Variants in RBM27 observed in about 807,000 individuals in gnomAD.
RBM27 encodes the protein RNA-binding protein 27.
A neutral mutation model predicts 135.3 loss-of-function variants in RBM27; 22 were observed. That is an observed-to-expected ratio of 0.16 (90% confidence interval 0.12 to 0.23). RBM27 has a LOEUF of 0.23. RBM27 is among the 10% of genes least tolerant of loss of function. The probability of loss-of-function intolerance (pLI) is 1.00; values close to 1 mark genes in which losing one functional copy is unlikely to be tolerated. For missense variants in RBM27, 1,009 were observed against 1,281.0 expected (o/e 0.79, Z 3.24); for synonymous variants, 481 against 442.4 (o/e 1.09, Z -1.10).
rs1048771482 is a variant in RBM27 at position 146,257,917 on chromosome 5, A to G, written c.1595-532A>G. Among the ~76,000 whole-genome samples, 9 of 152,064 alleles carry G rather than the reference A, an allele frequency of 5.9e-5. No individual in the cohort carries two copies. The East Asian group carries it at 1.3e-3, about 23-fold the overall frequency. ...CCACAACCTCCGTCTCCTGGGTTCA[A>G]GCGATTCTCCTGCCTCAGCCTCCCG... is the stretch of plus-strand genomic sequence containing the variant. On this transcript the variant is annotated intron_variant, in intron 10 of 20. Transcript: ENST00000265271.
At chr5:146,231,148 A>G (rs997143458) in intron 6 of RBM27, among the ~76,000 whole-genome samples, 1 of 152,138 alleles carries the variant, frequency 6.6e-6, no homozygotes, top group Non-Finnish European at 1.5e-5. Flanking sequence ...CAGCCTCCCA[A>G]GTAGCCTCCC....
At chr5:146,204,738 A>G (rs1201285351) in intron 1 of RBM27, among the ~76,000 whole-genome samples, 2 of 152,140 alleles carry the variant, frequency 1.3e-5, no homozygotes, top group Non-Finnish European at 2.9e-5. Flanking sequence ...AGTTTTGTAA[A>G]TGTTTTTGTA....
chr5:146,215,089 G>C (rs755188043), intron 1 of RBM27, among the ~76,000 whole-genome samples: 1 of 151,824 alleles, frequency 6.6e-6, no homozygotes, highest in Admixed American at 6.6e-5. Flanking sequence ...GCGCTCTATC[G>C]CCCAGGCTGG....
At chr5:146,223,122 A>G (rs886136795) in intron 2 of RBM27, among the ~76,000 whole-genome samples, 1 of 152,168 alleles carries the variant, frequency 6.6e-6, no homozygotes, top group Admixed American at 6.5e-5. Flanking sequence ...TAGATGTCCC[A>G]TAGTTTATTT....
chr5:146,234,753 G>T (rs992587550), intron 7 of RBM27, among the ~76,000 whole-genome samples: 11 of 151,900 alleles, frequency 7.2e-5, no homozygotes, highest in Non-Finnish European at 5.9e-5. Context: ...GGCAAATTAG[G>T]CTGGGCATGG....
chr5:146,235,774 C>G (rs1015686754), intron 7 of RBM27, among the ~76,000 whole-genome samples: 2 of 151,994 alleles, frequency 1.3e-5, no homozygotes, highest in Non-Finnish European at 2.9e-5. Context: ...GCAACCTCCG[C>G]CTCCCAGGCT....
intron 6 of RBM27, among the ~76,000 whole-genome samples, chr5:146,232,661 T>C (rs1756988635): frequency 6.6e-6 from 1 of 152,034 alleles, no homozygotes; most frequent in Non-Finnish European, 1.5e-5. Flanking sequence ...CTCTGCCTCC[T>C]GGGTTCAAGT....
At chr5:146,281,110 T>C (rs561169647) in intron 19 of RBM27, among the ~76,000 whole-genome samples, 5 of 152,148 alleles carry the variant, frequency 3.3e-5, no homozygotes, top group Non-Finnish European at 7.3e-5. Context: ...CCTAAAGTGC[T>C]AGGATGACAG....
intron 3 of RBM27, among the ~76,000 whole-genome samples, chr5:146,227,975 A>G (rs116511725): frequency 0.02 from 2,989 of 152,288 alleles, 98 homozygotes; most frequent in African/African-American, 0.069. Flanking sequence ...TTATGTATGT[A>G]TATATATTTC....
At chr5:146,216,400 G>A (rs965677752) in intron 1 of RBM27, among the ~76,000 whole-genome samples, 2 of 152,124 alleles carry the variant, frequency 1.3e-5, no homozygotes, top group African/African-American at 4.8e-5. Flanking sequence ...AATAAAAATT[G>A]TATGTATTTA....
intron 8 of RBM27, among the ~76,000 whole-genome samples, chr5:146,241,387 T>A (rs1034622943): frequency 6.6e-6 from 1 of 152,218 alleles, no homozygotes; most frequent in Non-Finnish European, 1.5e-5. Flanking sequence ...GAATAAGATA[T>A]TAGATCTCAT....
chr5:146,282,192 G>C (rs1759389551), intron 19 of RBM27, among the ~76,000 whole-genome samples: 1 of 152,026 alleles, frequency 6.6e-6, no homozygotes. Context: ...TTTTAGTAGA[G>C]ATGGTGTTTC....
chr5:146,274,993 T>A (rs947879804), intron 19 of RBM27, among the ~76,000 whole-genome samples: 1 of 151,532 alleles, frequency 6.6e-6, no homozygotes, highest in Non-Finnish European at 1.5e-5. Flanking sequence ...CTTTTTTTTC[T>A]TTTTCTTCTT....
Position 146,260,895 on chromosome 5 carries a change from C to A in RBM27, c.1890C>A (p.Ile630=). The A allele has an allele frequency of 6.2e-7, 1 of 1,607,876 alleles. No homozygotes were observed. Among genetic ancestry groups the A allele is most frequent in the Non-Finnish European group, 8.5e-7 (1 of 1,178,166 alleles). Residue 630 remains isoleucine (I), a synonymous_variant, in exon 12 of 21, where the codon ATC becomes ATA. Transcript: ENST00000265271. The part of the protein sequence containing the change: ...HFSKFGTIVN[I]QVAFKGDPEA... ...GCAAATTTGGAACTATTGTTAATAT[C>A]CAGGTAAATGTGGCTATGTCAGTGA...
intron 19 of RBM27, among the ~76,000 whole-genome samples, chr5:146,281,127 G>A (rs537932952): frequency 3.3e-5 from 5 of 152,268 alleles, no homozygotes; most frequent in Admixed American, 6.5e-5. Context: ...ACAGGCGTGA[G>A]CCCCTGCGCC....
Position 146,269,539 on chromosome 5 carries a change from ATCT to A in RBM27, c.2650_2652del (p.Ser884del), listed in dbSNP as rs1396881583. On this transcript the variant is annotated inframe_deletion, in exon 17 of 21. Coordinates refer to ENST00000265271, the MANE Select transcript of RBM27 (RefSeq NM_018989.2). Reference sequence around the variant, plus strand: ...CACAATTAAAAGATGAATTAAAAACATCTTCTGCAGTCTCCACACCATCTAAAG... The same window carrying A: ...CACAATTAAAAGATGAATTAAAAACATCTGCAGTCTCCACACCATCTAAAG... The A allele has an allele frequency of 6.3e-6, 10 of 1,580,096 alleles. No individual in the cohort carries two copies. Among genetic ancestry groups the A allele is most frequent in the African/African-American group, 2.7e-5 (2 of 72,832 alleles).
intron 17 of RBM27, 46 bp from the exon 18 acceptor site, chr5:146,270,908 T>G: frequency 1.6e-6 from 2 of 1,250,894 alleles, no homozygotes; most frequent in Non-Finnish European, 2.3e-6. Flanking sequence ...GAGGAGATCT[T>G]GTAAGTTATC....
chr5:146,284,853 G>T lies in RBM27; in HGVS notation c.3099+121G>T, dbSNP rs1561574331. ...TTTTTCTTTCATGCATGCAAATTAA[G>T]ACCCGTTTAGATGTTTATTAGAGAA... On this transcript the variant is annotated intron_variant, in intron 20 of 20. Coordinates refer to ENST00000265271, the MANE Select transcript of RBM27 (RefSeq NM_018989.2). The T allele has an allele frequency of 6.7e-6, 4 of 596,644 alleles. No individual in the cohort carries two copies. In the Admixed American group the frequency reaches 1.3e-4, roughly 19 times the overall value. 37.0% of individuals were successfully genotyped at this position (596,644 alleles called of 1,614,324 possible).
intron 19 of RBM27, among the ~76,000 whole-genome samples, chr5:146,282,150 C>T (rs1415350271): frequency 3.9e-5 from 6 of 151,960 alleles, no homozygotes; most frequent in East Asian, 3.9e-4. Flanking sequence ...GGATTATGGG[C>T]GTGTGCCAGT....
Sources: allele counts gnomAD v4.1 joint callset (sites outside exome capture counted in the v4.1 genomes callset), GRCh38; gene constraint gnomAD v4.1.1; transcripts MANE v1.5; gene names NCBI Gene and HGNC (gene_info 2026-07-23, HGNC 2026-07-21).